CUX1: variants seen among roughly 807,000 people sequenced by gnomAD.
The protein encoded by CUX1 is protein CASP.
CUX1 carries 31 observed loss-of-function variants against 158.8 expected under a neutral mutation model. That is an observed-to-expected ratio of 0.20 (90% confidence interval 0.15 to 0.26). The LOEUF (loss-of-function observed/expected upper bound fraction) is 0.26. CUX1 is among the 10% of genes least tolerant of loss of function. CUX1 has a pLI of 1.00. For synonymous variants in CUX1, 879 were observed against 862.1 expected, an observed-to-expected ratio of 1.02 and a Z score of -0.34; for missense variants, 1,589 against 2,014.6, an observed-to-expected ratio of 0.79 and a Z score of 4.04.
chr7:102,248,375 C>T lies in CUX1; in HGVS notation c.3888-37C>T. 1 of 1,536,600 alleles carries T rather than the reference C, an allele frequency of 6.5e-7. No homozygotes were observed. Among genetic ancestry groups the T allele is most frequent in the South Asian group, 1.2e-5 (1 of 85,518 alleles). Reference sequence around the variant, plus strand: ...GCACCAGAGGCCCTTTCCCCAGCAGCACCCCCCTCACGTCCCCGCCGCTTG... The same window carrying T: ...GCACCAGAGGCCCTTTCCCCAGCAGTACCCCCCTCACGTCCCCGCCGCTTG... On this transcript the variant is annotated intron_variant, in intron 23 of 23. Coordinates refer to ENST00000292535, the MANE Select transcript of CUX1 (RefSeq NM_181552.4). This position sits in a 1 kb window ranked among gnomAD's most constrained non-coding sequence, Gnocchi z 5.8.
At chr7:101,817,105 G>A (rs1791916811), upstream of CUX1, 1 of 984,420 alleles carries the variant, frequency 1.0e-6, no homozygotes. This position sits in a 1 kb window ranked among gnomAD's most constrained non-coding sequence, Gnocchi z 4.1. Context: ...GTGTCGCTGG[G>A]TCCCGGTGTC....
chr7:101,823,179 C>T (rs1223355327), intron 1 of CUX1, among the ~76,000 whole-genome samples: 1 of 152,046 alleles, frequency 6.6e-6, no homozygotes, highest in South Asian at 2.1e-4. Flanking sequence ...CCACAAAGTT[C>T]GTCGCCCAAT....
intron 1 of CUX1, among the ~76,000 whole-genome samples, chr7:101,873,362 A>C (rs1225454509): frequency 9.8e-6 from 1 of 102,208 alleles, no homozygotes; most frequent in Non-Finnish European, 1.7e-5. Flanking sequence ...GTTTTATTTT[A>C]TTTTTTATAG....
At chr7:101,942,901 A>G (rs1807882781) in intron 2 of CUX1, among the ~76,000 whole-genome samples, 1 of 152,132 alleles carries the variant, frequency 6.6e-6, no homozygotes, top group Non-Finnish European at 1.5e-5. Flanking sequence ...TCTTGGTTCC[A>G]TCGGCTGCTG....
intron 20 of CUX1, among the ~76,000 whole-genome samples, chr7:102,216,653 ACT>A (rs71123013): frequency 0.39 from 34,499 of 89,206 alleles, 7,476 homozygotes; most frequent in East Asian, 0.87. Context: ...ACACACACAC[ACT>A]CTCCCACACA....
chr7:101,921,267 G>A (rs915705606), intron 2 of CUX1, among the ~76,000 whole-genome samples: 8 of 152,044 alleles, frequency 5.3e-5, no homozygotes, highest in African/African-American at 1.9e-4. Context: ...GCACATATGT[G>A]TGTGTACGTA....
At chr7:101,940,471 G>A (rs905205262) in intron 2 of CUX1, among the ~76,000 whole-genome samples, 4 of 151,484 alleles carry the variant, frequency 2.6e-5, no homozygotes, top group Admixed American at 6.6e-5. Flanking sequence ...TTCCTTCTGG[G>A]TGCAGCTCTG....
intron 23 of CUX1, among the ~76,000 whole-genome samples, chr7:102,246,117 T>C (rs1192760015): frequency 6.6e-6 from 1 of 152,192 alleles, no homozygotes; most frequent in African/African-American, 2.4e-5. Context: ...CCAAAAAGCC[T>C]GTACTCTGGT....
At chr7:101,833,934 C>T (rs1794342688) in intron 1 of CUX1, among the ~76,000 whole-genome samples, 1 of 152,108 alleles carries the variant, frequency 6.6e-6, no homozygotes, top group Non-Finnish European at 1.5e-5. Context: ...GAATGGGACG[C>T]ACAGTGTTCA....
At chr7:102,183,301 A>G (rs1793302139) in intron 11 of CUX1, among the ~76,000 whole-genome samples, 1 of 150,618 alleles carries the variant, frequency 6.6e-6, no homozygotes, top group Admixed American at 6.6e-5. Context: ...GGCGTGAGCC[A>G]TCGCGCCCGG....
At chr7:101,906,443 G>T (rs547797813) in intron 1 of CUX1, among the ~76,000 whole-genome samples, 1 of 151,956 alleles carries the variant, frequency 6.6e-6, no homozygotes, top group South Asian at 2.1e-4. Context: ...GGTCCGAGGG[G>T]AAAGGAGGGG....
chr7:102,249,671 A>T lies in CUX1; in HGVS notation c.*629A>T, dbSNP rs1329716680. 4.1e-6 allele frequency: 4 copies of T among 985,554 alleles called. No homozygotes were observed. The highest frequency in any genetic ancestry group is 4.8e-6 in the Non-Finnish European group (4 of 829,916). 61.1% of individuals were successfully genotyped at this position (985,554 alleles called of 1,614,324 possible). A position where few individuals can be genotyped will look rare whatever the true frequency, so the allele number is the denominator to read the frequency against. On this transcript the variant is annotated 3_prime_UTR_variant, in exon 24 of 24. Coordinates refer to ENST00000292535, the MANE Select transcript of CUX1 (RefSeq NM_181552.4). Reference sequence around the variant, plus strand: ...CACTATTATCTTCTTAAACCAGGAAAAAATAAAAGGGGGGGTGGGATTTTT... The same window carrying T: ...CACTATTATCTTCTTAAACCAGGAATAAATAAAAGGGGGGGTGGGATTTTT...
At chr7:102,111,543 G>A (rs549350562) in intron 6 of CUX1, among the ~76,000 whole-genome samples, 155 bp from the exon 7 acceptor site, 17 of 152,322 alleles carry the variant, frequency 1.1e-4, no homozygotes, top group Admixed American at 9.8e-4. Context: ...CTGCGGGAGC[G>A]GGGCCCACGG....
At chr7:102,017,290 CAA>C (rs10629776) in intron 2 of CUX1, among the ~76,000 whole-genome samples, 5 of 131,624 alleles carry the variant, frequency 3.8e-5, no homozygotes, top group Non-Finnish European at 6.4e-5. Context: ...GACTCCATCT[CAA>C]AAAAAAAAAA....
At chr7:101,874,667 G>A (rs771233347) in intron 1 of CUX1, among the ~76,000 whole-genome samples, 11 of 152,176 alleles carry the variant, frequency 7.2e-5, no homozygotes, top group African/African-American at 2.2e-4. Flanking sequence ...GTCTGACCCC[G>A]AGGTTCTGCC....
intron 8 of CUX1, among the ~76,000 whole-genome samples, chr7:102,118,088 G>A (rs1831625489): frequency 6.6e-6 from 1 of 152,192 alleles, no homozygotes; most frequent in Non-Finnish European, 1.5e-5. Context: ...GGACAGATTT[G>A]TCACTATTCC....
intron 23 of CUX1, among the ~76,000 whole-genome samples, chr7:102,245,663 G>A (rs1449339517): frequency 6.6e-6 from 1 of 152,072 alleles, no homozygotes; most frequent in Non-Finnish European, 1.5e-5. Context: ...ACATTTTTCA[G>A]ACAAGAAATA....
intron 2 of CUX1, among the ~76,000 whole-genome samples, chr7:101,922,970 T>C (rs992832408): frequency 1.1e-4 from 16 of 152,258 alleles, no homozygotes; most frequent in African/African-American, 3.9e-4. Context: ...CCCCAGAAAG[T>C]GTCTCTTAGC....
At chr7:102,132,151 T>A (rs1323874834) in intron 8 of CUX1, among the ~76,000 whole-genome samples, 27 of 136,418 alleles carry the variant, frequency 2.0e-4, no homozygotes. Flanking sequence ...GGCGGGTGGA[T>A]AGATGGATGG....
Sources: allele counts gnomAD v4.1 joint callset (sites outside exome capture counted in the v4.1 genomes callset), GRCh38; gene constraint gnomAD v4.1.1; non-coding constraint Gnocchi (gnomAD v3.1); transcripts MANE v1.5; gene names NCBI Gene and HGNC (gene_info 2026-07-23, HGNC 2026-07-21).